HPSE2: variants seen among roughly 807,000 people sequenced by gnomAD.
HPSE2 encodes inactive heparanase-2.
A neutral mutation model predicts 60.5 loss-of-function variants in HPSE2; 38 were observed. The ratio of observed to expected loss-of-function variants is 0.63; its 90% CI spans 0.48 to 0.82. HPSE2 has a LOEUF of 0.82. Among genes scored for constraint, HPSE2 ranks in the 40% least tolerant of loss-of-function variants. The pLI, the probability that HPSE2 is intolerant of heterozygous loss-of-function variation, is 0.00. For missense variants in HPSE2, 713 were observed against 740.4 expected, an observed-to-expected ratio of 0.96 and a Z score of 0.43; for synonymous variants, 295 against 293.2, an observed-to-expected ratio of 1.01 and a Z score of -0.06.
At chr10:98,580,905 T>C (rs1944780282) in intron 9 of HPSE2, among the ~76,000 whole-genome samples, 1 of 149,898 alleles carries the variant, frequency 6.7e-6, no homozygotes, top group Non-Finnish European at 1.5e-5. Flanking sequence ...ATGGCTTTTA[T>C]GTGGCATTAT....
chr10:98,790,156 A>G (rs1242843315), intron 3 of HPSE2, among the ~76,000 whole-genome samples: 4 of 152,210 alleles, frequency 2.6e-5, no homozygotes, highest in African/African-American at 7.2e-5. Flanking sequence ...TGACTGACAG[A>G]ATTTCCTATT....
chr10:99,277,541 T>TGA, the HPSE2 span, among the ~76,000 whole-genome samples: 1 of 152,212 alleles, frequency 6.6e-6, no homozygotes, highest in Non-Finnish European at 1.5e-5. Flanking sequence ...TTTCACCAAG[T>TGA]GAGAGCTCCA....
intron 2 of HPSE2, among the ~76,000 whole-genome samples, chr10:99,176,620 A>G (rs1040919360): frequency 3.3e-5 from 5 of 152,214 alleles, no homozygotes; most frequent in African/African-American, 9.6e-5. Context: ...ATATGGGACT[A>G]TGTGTAAAGA....
At chr10:99,179,859 C>T (rs1478574111) in intron 2 of HPSE2, among the ~76,000 whole-genome samples, 1 of 152,026 alleles carries the variant, frequency 6.6e-6, no homozygotes, top group Non-Finnish European at 1.5e-5. Flanking sequence ...TGACTTCAAA[C>T]TATACTGAAA....
At chr10:99,158,497 G>T (rs1263265440) in intron 2 of HPSE2, among the ~76,000 whole-genome samples, 11 of 129,806 alleles carry the variant, frequency 8.5e-5, no homozygotes, top group Admixed American at 4.2e-4. Context: ...GTAAACTATC[G>T]CAAGAACAAA....
At chr10:99,222,974 A>G (rs1397173147) in intron 2 of HPSE2, among the ~76,000 whole-genome samples, 1 of 152,168 alleles carries the variant, frequency 6.6e-6, no homozygotes, top group Non-Finnish European at 1.5e-5. Context: ...AGACAAATGA[A>G]TGGACGAATA....
chr10:99,080,944 TTG>T lies in HPSE2; in HGVS notation c.610+63292_610+63293del, dbSNP rs1843112957. Among the ~76,000 whole-genome samples the T allele has an allele frequency of 4.6e-5, 7 of 152,334 alleles. No individual in the cohort carries two copies. In the South Asian group the frequency reaches 1.0e-3, roughly 23 times the overall value. On this transcript the variant is annotated intron_variant, in intron 3 of 11. Transcript: ENST00000370552. ...TGTAGAATATTTGAAGCTATGTTTC[TTG>T]AATTCTAAAATTTTAAATTTTGTAT...
At chr10:98,565,136 C>A (rs1944303532) in intron 9 of HPSE2, among the ~76,000 whole-genome samples, 2 of 142,174 alleles carry the variant, frequency 1.4e-5, no homozygotes, top group South Asian at 4.8e-4. Flanking sequence ...GAAACCCAAG[C>A]AGACAGACAA....
intron 2 of HPSE2, among the ~76,000 whole-genome samples, chr10:99,181,250 T>G (rs1449162649): frequency 1.1e-4 from 16 of 147,562 alleles, no homozygotes; most frequent in Non-Finnish European, 1.4e-4. Flanking sequence ...TACAAAAAAT[T>G]AGCCGGGCGT....
At chr10:98,998,822 C>A (rs7910906) in intron 3 of HPSE2, among the ~76,000 whole-genome samples, 22,822 of 152,202 alleles carry the variant, frequency 0.15, 2,366 homozygotes, top group African/African-American at 0.29. Context: ...TCTACTCTTT[C>A]ACAAGGCATA....
intron 9 of HPSE2, among the ~76,000 whole-genome samples, chr10:98,586,410 G>C (rs1944942343): frequency 6.6e-6 from 1 of 152,022 alleles, no homozygotes; most frequent in African/African-American, 2.4e-5. Flanking sequence ...ATTCACATAG[G>C]CCACTATTAC....
At chr10:99,026,055 AGAAG>A (rs1252292197) in intron 3 of HPSE2, among the ~76,000 whole-genome samples, 2 of 152,264 alleles carry the variant, frequency 1.3e-5, no homozygotes, top group Non-Finnish European at 2.9e-5. Context: ...AGGAAAAAAA[AGAAG>A]GAAGAGAACA....
At chr10:98,487,628 T>C (rs1941489589) in intron 10 of HPSE2, among the ~76,000 whole-genome samples, 1 of 152,280 alleles carries the variant, frequency 6.6e-6, no homozygotes, top group East Asian at 1.9e-4. Context: ...GCAGGGGTTG[T>C]TATTTTAATA....
At chr10:99,181,226 G>A (rs1395729815) in intron 2 of HPSE2, among the ~76,000 whole-genome samples, 9 of 149,912 alleles carry the variant, frequency 6.0e-5, no homozygotes, top group Middle Eastern at 3.2e-3. Context: ...GTGAAACCCC[G>A]TCTCTACTAA....
chr10:98,975,474 T>C (rs1187535516), intron 3 of HPSE2, among the ~76,000 whole-genome samples: 1 of 152,102 alleles, frequency 6.6e-6, no homozygotes, highest in Non-Finnish European at 1.5e-5. Flanking sequence ...TGTGTTCTGG[T>C]ATTGTTTGGG....
At chr10:98,800,273 TTGGG>T in intron 3 of HPSE2, among the ~76,000 whole-genome samples, 1 of 151,588 alleles carries the variant, frequency 6.6e-6, no homozygotes, top group East Asian at 1.9e-4. Flanking sequence ...GGAGCCTGAG[TTGGG>T]AGGCTCTCTT....
At chr10:98,982,710 A>G (rs1377787706) in intron 3 of HPSE2, among the ~76,000 whole-genome samples, 1 of 152,158 alleles carries the variant, frequency 6.6e-6, no homozygotes, top group Non-Finnish European at 1.5e-5. Context: ...TGAGGATAGG[A>G]AACTAGTCAC....
chr10:98,805,246 T>C (rs1951015458), intron 3 of HPSE2, among the ~76,000 whole-genome samples: 1 of 152,160 alleles, frequency 6.6e-6, no homozygotes. Flanking sequence ...ATCCTACTAC[T>C]CAAGGTCATC....
At chr10:98,910,048 A>G (rs1458724688) in intron 3 of HPSE2, among the ~76,000 whole-genome samples, 1 of 152,236 alleles carries the variant, frequency 6.6e-6, no homozygotes, top group African/African-American at 2.4e-5. Context: ...ATGCTATTAT[A>G]AGAAGAAAAA....
Sources: allele counts gnomAD v4.1 joint callset (sites outside exome capture counted in the v4.1 genomes callset), GRCh38; gene constraint gnomAD v4.1.1; transcripts MANE v1.5; gene names NCBI Gene and HGNC (gene_info 2026-07-23, HGNC 2026-07-21).